Variants in GFRA1 observed in about 807,000 individuals in gnomAD.
GFRA1 encodes the protein GDNF family receptor alpha-1.
In GFRA1, 16 loss-of-function variants were observed where a neutral mutation model predicts 51.6. The observed-to-expected ratio is 0.31, with a 90% CI of 0.21 to 0.47. GFRA1 has a LOEUF of 0.47. Ranked by LOEUF, GFRA1 falls within the 20% of genes least tolerant of loss-of-function variation. The pLI is 1.00. For missense variants in GFRA1, 530 were observed against 594.3 expected, an observed-to-expected ratio of 0.89 and a Z score of 1.13; for synonymous variants, 270 against 241.3, an observed-to-expected ratio of 1.12 and a Z score of -1.10.
At chr10:116,176,064 A>T (rs1961560146) in intron 5 of GFRA1, among the ~76,000 whole-genome samples, 1 of 152,242 alleles carries the variant, frequency 6.6e-6, no homozygotes, top group African/African-American at 2.4e-5. Flanking sequence ...GATGACAAAC[A>T]GAATTGTTAA....
At position 116,196,707 on chromosome 10, in the gene GFRA1, T is replaced by TATATAGTACTATATATAATATATATA. The variant is rs1565643900; in HGVS notation, c.433+14923_433+14924insTATATATATTATATATAGTACTATAT. On this transcript the variant is annotated intron_variant, in intron 5 of 10. Transcript: ENST00000355422. ...ATATAGTACTATATATAATATATAT[T>TATATAGTACTATATATAATATATATA]ATATATAGTACTATATATAATATAT... is the stretch of plus-strand genomic sequence containing the variant. 9.7e-4 allele frequency among the ~76,000 whole-genome samples: 32 copies of TATATAGTACTATATATAATATATATA among 33,094 alleles called. 11 individuals are homozygous for TATATAGTACTATATATAATATATATA. The highest frequency in any genetic ancestry group is 3.7e-3 in the African/African-American group (23 of 6,252). The allele number at this position is 33,094 out of a possible 152,430, so 21.7% of individuals were successfully genotyped here. A position where few individuals can be genotyped will look rare whatever the true frequency, so the allele number is the denominator to read the frequency against.
intron 5 of GFRA1, among the ~76,000 whole-genome samples, chr10:116,208,509 T>A (rs1342226193): frequency 6.6e-6 from 1 of 152,038 alleles, no homozygotes; most frequent in Admixed American, 6.5e-5. Flanking sequence ...AAGAAAAATC[T>A]CTCCATTAAC....
intron 5 of GFRA1, among the ~76,000 whole-genome samples, chr10:116,202,447 G>A (rs921615522): frequency 6.6e-6 from 1 of 152,154 alleles, no homozygotes; most frequent in African/African-American, 2.4e-5. Flanking sequence ...GTGGAAATGA[G>A]AGTCTGCCTC....
At chr10:116,265,823 C>T (rs538552598) in intron 4 of GFRA1, among the ~76,000 whole-genome samples, 3 of 152,058 alleles carry the variant, frequency 2.0e-5, no homozygotes, top group South Asian at 2.1e-4. Flanking sequence ...TCCTCCCGCT[C>T]GCTTCATGTT....
chr10:116,222,972 T>C (rs1021784026), intron 4 of GFRA1, among the ~76,000 whole-genome samples: 2 of 152,238 alleles, frequency 1.3e-5, no homozygotes, highest in African/African-American at 4.8e-5. Context: ...AGGTAACCTA[T>C]AGATTATTTA....
rs557175351 is a variant in GFRA1 at position 116,058,041 on chromosome 10, T to TGTGTGTGTGTGTGTGAGAGAGA, written c.*6356_*6357insTCTCTCTCACACACACACACAC. ...GTGTGTGTGTGTGTGTGTGTGTGTG[T>TGTGTGTGTGTGTGTGAGAGAGA]GACAGAGAGAACCACGCTTTATTGG... On this transcript the variant is annotated 3_prime_UTR_variant, in exon 11 of 11. Coordinates refer to ENST00000355422, the MANE Select transcript of GFRA1 (RefSeq NM_005264.8). 2 of 108,442 alleles carry TGTGTGTGTGTGTGTGAGAGAGA rather than the reference T, an allele frequency of 1.8e-5. No homozygotes were observed. The highest frequency in any genetic ancestry group is 7.5e-5 in the African/African-American group (2 of 26,586). The allele number at this position is 108,442 out of a possible 1,614,324, so 6.7% of individuals were successfully genotyped here.
At chr10:116,076,033 G>A (rs1045730768) in intron 9 of GFRA1, among the ~76,000 whole-genome samples, 16 of 151,992 alleles carry the variant, frequency 1.1e-4, no homozygotes, top group Admixed American at 4.6e-4. Flanking sequence ...CGTGACCACC[G>A]TGCCCGGCCA....
chr10:116,139,820 G>C (rs563011218), intron 5 of GFRA1, among the ~76,000 whole-genome samples: 4 of 152,206 alleles, frequency 2.6e-5, no homozygotes, highest in Admixed American at 6.5e-5. Flanking sequence ...GCACAGCCTG[G>C]GTCCCTGCCC....
intron 5 of GFRA1, among the ~76,000 whole-genome samples, chr10:116,182,206 G>C (rs1962298888): frequency 6.6e-6 from 1 of 151,786 alleles, no homozygotes; most frequent in Admixed American, 6.6e-5. Context: ...ACTGTCCCTT[G>C]TACAGTGCAA....
chr10:116,128,695 C>T (rs1401742430), intron 5 of GFRA1, among the ~76,000 whole-genome samples: 1 of 135,142 alleles, frequency 7.4e-6, no homozygotes, highest in Non-Finnish European at 1.5e-5. Context: ...CACTGCACTC[C>T]AGCCTGGGGG....
At position 116,063,856 on chromosome 10, in the gene GFRA1, A is replaced by G. The variant is rs2133756829; in HGVS notation, c.*542T>C. ...TACATATATAAAGGTGAACATCAGT[A>G]CCAGCTGTTTCCACAAAGCCCACTC... On this transcript the variant is annotated 3_prime_UTR_variant, in exon 11 of 11. Transcript: ENST00000355422. 5.8e-6 allele frequency: 1 copy of G among 171,946 alleles called. No homozygotes were observed. The highest frequency in any genetic ancestry group is 2.4e-5 in the African/African-American group (1 of 41,786). The allele number at this position is 171,946 out of a possible 1,614,324, so 10.7% of individuals were successfully genotyped here. A position where few individuals can be genotyped will look rare whatever the true frequency, so the allele number is the denominator to read the frequency against.
intron 5 of GFRA1, among the ~76,000 whole-genome samples, chr10:116,196,651 T>TATATATGGTACTATATATAATATATATA: frequency 2.7e-4 from 1 of 3,638 alleles, no homozygotes; most frequent in African/African-American, 6.6e-4. Flanking sequence ...ATATATAATA[T>TATATATGGTACTATATATAATATATATA]ATATATAGTA....
chr10:116,151,158 C>T (rs578052491), intron 5 of GFRA1, among the ~76,000 whole-genome samples: 1 of 152,290 alleles, frequency 6.6e-6, no homozygotes, highest in South Asian at 2.1e-4. Context: ...GGACTGCTTA[C>T]TGTTGGAACA....
intron 5 of GFRA1, among the ~76,000 whole-genome samples, chr10:116,173,291 T>C (rs951498194): frequency 1.3e-5 from 2 of 152,164 alleles, no homozygotes; most frequent in African/African-American, 4.8e-5. Context: ...GCTCATGCTG[T>C]CTGCCGTCCC....
chr10:116,198,299 T>C (rs558840539), intron 5 of GFRA1, among the ~76,000 whole-genome samples: 2 of 152,242 alleles, frequency 1.3e-5, no homozygotes, highest in Admixed American at 1.3e-4. Context: ...TGGATAAGCC[T>C]CAGATAAGGA....
At chr10:116,177,969 A>G (rs1961796383) in intron 5 of GFRA1, among the ~76,000 whole-genome samples, 1 of 152,204 alleles carries the variant, frequency 6.6e-6, no homozygotes, top group South Asian at 2.1e-4. Flanking sequence ...TAATTCTGCC[A>G]TATCCACTAA....
chr10:116,202,033 G>T (rs145781387), intron 5 of GFRA1, among the ~76,000 whole-genome samples: 15 of 152,252 alleles, frequency 9.9e-5, no homozygotes, highest in African/African-American at 3.4e-4. Context: ...ACAAAACACC[G>T]ATTCCTCCGA....
intron 6 of GFRA1, among the ~76,000 whole-genome samples, chr10:116,113,613 C>A (rs1034406715): frequency 2.0e-5 from 3 of 152,190 alleles, no homozygotes; most frequent in African/African-American, 7.2e-5. Context: ...ACAAGACAGG[C>A]ACATTGTGTA....
chr10:116,119,084 C>T (rs1253103389), intron 6 of GFRA1, among the ~76,000 whole-genome samples: 1 of 152,202 alleles, frequency 6.6e-6, no homozygotes, highest in African/African-American at 2.4e-5. Flanking sequence ...GCTGATAGAG[C>T]TCTGCTGCTG....
Sources: gnomAD v4.1 joint callset for allele counts (sites outside exome capture counted in the v4.1 genomes callset) on GRCh38, gnomAD v4.1.1 for gene constraint, MANE v1.5 for transcripts, NCBI Gene and HGNC (gene_info 2026-07-23, HGNC 2026-07-21) for gene names.